Variants in MACROD2 observed in about 807,000 individuals in gnomAD.
The protein encoded by MACROD2 is mono-ADP ribosylhydrolase 2.
In MACROD2, 36 loss-of-function variants were observed where a neutral mutation model predicts 70.4. The observed-to-expected ratio is 0.51, with a 90% confidence interval of 0.39 to 0.68. The LOEUF (loss-of-function observed/expected upper bound fraction) is 0.68. MACROD2 is among the 30% of genes least tolerant of loss of function. The probability of loss-of-function intolerance (pLI) is 0.00; values close to 1 mark genes in which losing one functional copy is unlikely to be tolerated. For synonymous variants in MACROD2, 172 were observed against 178.8 expected, an observed-to-expected ratio of 0.96 and a Z score of 0.30; for missense variants, 496 against 538.4, an observed-to-expected ratio of 0.92 and a Z score of 0.78.
intron 3 of MACROD2, among the ~76,000 whole-genome samples, chr20:14,280,873 T>C (rs890430990): frequency 6.6e-6 from 1 of 152,184 alleles, no homozygotes; most frequent in African/African-American, 2.4e-5. Flanking sequence ...CTAAAAGTTA[T>C]TGTGAATTCT....
intron 3 of MACROD2, among the ~76,000 whole-genome samples, chr20:14,367,553 A>T (rs2083283478): frequency 6.6e-6 from 1 of 152,178 alleles, no homozygotes; most frequent in Admixed American, 6.5e-5. Context: ...CAAACATAGA[A>T]TTCGTGGTTG....
chr20:15,591,760 A>C (rs1434524215), intron 8 of MACROD2, among the ~76,000 whole-genome samples: 1 of 152,110 alleles, frequency 6.6e-6, no homozygotes, highest in Non-Finnish European at 1.5e-5. Context: ...TTGGTGGCTA[A>C]TTATCTGTAT....
intron 2 of MACROD2, among the ~76,000 whole-genome samples, chr20:14,068,135 C>T (rs568613331): frequency 7.4e-4 from 113 of 152,290 alleles, no homozygotes; most frequent in Non-Finnish European, 1.3e-3. Context: ...CTTGAGTGCT[C>T]GCCCTTCCAA....
At chr20:14,479,031 C>T (rs1378279502) in intron 3 of MACROD2, among the ~76,000 whole-genome samples, 6 of 151,990 alleles carry the variant, frequency 3.9e-5, no homozygotes, top group Non-Finnish European at 8.8e-5. Context: ...TGGAGATTCC[C>T]CTCCACACCT....
intron 3 of MACROD2, among the ~76,000 whole-genome samples, chr20:14,091,950 A>G (rs2148673107): frequency 6.6e-6 from 1 of 152,228 alleles, no homozygotes; most frequent in Non-Finnish European, 1.5e-5. Flanking sequence ...TCTGGGATAG[A>G]CATCCAAGAA....
chr20:14,885,784 C>G (rs2073667091), intron 5 of MACROD2, among the ~76,000 whole-genome samples: 1 of 152,164 alleles, frequency 6.6e-6, no homozygotes, highest in African/African-American at 2.4e-5. Context: ...ATCCTCCATT[C>G]CCTTTGCTGG....
Position 14,575,973 on chromosome 20 carries a change from A to G in MACROD2, c.301+82465A>G, listed in dbSNP as rs541359362. Among the ~76,000 whole-genome samples the G allele has an allele frequency of 5.9e-5, 9 of 152,302 alleles. No homozygotes were observed. The South Asian group carries it at 1.7e-3, about 28-fold the overall frequency. On this transcript the variant is annotated intron_variant, in intron 4 of 17. Transcript: ENST00000684519. The stretch of plus-strand genomic sequence containing the variant: ...TGCATTTATATTAAAATACCTGCCT[A>G]TATCATGGGCACCTAAATATATAGT...
chr20:14,741,869 C>T (rs187737558), intron 5 of MACROD2, among the ~76,000 whole-genome samples: 95 of 152,066 alleles, frequency 6.2e-4, no homozygotes, highest in African/African-American at 2.0e-3. Context: ...TGTTTGAAAA[C>T]TTTTTTTAGG....
intron 4 of MACROD2, among the ~76,000 whole-genome samples, chr20:14,519,600 C>T (rs1458220947): frequency 6.6e-6 from 1 of 152,124 alleles, no homozygotes; most frequent in Non-Finnish European, 1.5e-5. Context: ...AAAGAGGATA[C>T]TTACATACTG....
At chr20:15,551,845 GCAGA>G (rs1397904357) in intron 8 of MACROD2, among the ~76,000 whole-genome samples, 3 of 138,152 alleles carry the variant, frequency 2.2e-5, no homozygotes, top group African/African-American at 5.6e-5. Context: ...CTCCAGCCTG[GCAGA>G]CAGAGTGAGA....
intron 2 of MACROD2, among the ~76,000 whole-genome samples, chr20:14,036,091 T>G (rs955132777): frequency 6.7e-6 from 1 of 150,326 alleles, no homozygotes; most frequent in Non-Finnish European, 1.5e-5. Context: ...GCAGTGAGCC[T>G]AGATGGCGCC....
intron 4 of MACROD2, among the ~76,000 whole-genome samples, chr20:14,496,369 A>G (rs1375807027): frequency 6.6e-6 from 1 of 152,230 alleles, no homozygotes; most frequent in African/African-American, 2.4e-5. Flanking sequence ...TATGAGTAGT[A>G]CCTGATAGTG....
In MACROD2 at chr20:15,955,656, A is replaced by C. The variant is rs540932658; in HGVS notation, c.908-11897A>C. ...TATCTAGAACAGCACTGTCCAGTAG[A>C]AATAAATGTGAACCACAAATGAGAA... On this transcript the variant is annotated intron_variant, in intron 12 of 17. Transcript: ENST00000684519. 5.4e-4 allele frequency among the ~76,000 whole-genome samples: 82 copies of C among 152,346 alleles called. No homozygotes were observed. In the South Asian group the frequency reaches 0.017, roughly 31 times the overall value.
At chr20:15,681,982 A>T (rs2050166233) in intron 8 of MACROD2, among the ~76,000 whole-genome samples, 1 of 152,184 alleles carries the variant, frequency 6.6e-6, no homozygotes, top group Admixed American at 6.6e-5. Flanking sequence ...CCCTTCCAAA[A>T]GTCTTGGTAT....
At chr20:14,414,484 C>G (rs571446723) in intron 3 of MACROD2, among the ~76,000 whole-genome samples, 2 of 152,284 alleles carry the variant, frequency 1.3e-5, no homozygotes, top group African/African-American at 4.8e-5. Flanking sequence ...TGGCAGTAAC[C>G]TCCTCATTTG....
chr20:14,345,837 C>T (rs2083058060), intron 3 of MACROD2, among the ~76,000 whole-genome samples: 1 of 151,908 alleles, frequency 6.6e-6, no homozygotes, highest in Non-Finnish European at 1.5e-5. Flanking sequence ...CAAGGTGGCT[C>T]ACACCTGTTA....
intron 3 of MACROD2, among the ~76,000 whole-genome samples, chr20:14,268,760 G>A (rs1439905188): frequency 6.6e-6 from 1 of 152,150 alleles, no homozygotes; most frequent in Non-Finnish European, 1.5e-5. Flanking sequence ...TATAAAAAGT[G>A]ACGTCAACTA....
chr20:15,705,045 T>C (rs2050513246), intron 8 of MACROD2, among the ~76,000 whole-genome samples: 1 of 152,212 alleles, frequency 6.6e-6, no homozygotes, highest in Non-Finnish European at 1.5e-5. Context: ...CGGTCATTTA[T>C]TAATTTCTAT....
Position 14,739,074 on chromosome 20 carries a change from A to C in MACROD2, c.418+54115A>C, listed in dbSNP as rs4814323. On this transcript the variant is annotated intron_variant, in intron 5 of 17. Transcript: ENST00000684519. ...GATGAAGTAAGGTATATCAAGTGAA[A>C]TATATACCATCATATGCTGATGGCT... Among the ~76,000 whole-genome samples the C allele has an allele frequency of 2.0e-5, 3 of 152,048 alleles. No homozygotes were observed. The South Asian group carries it at 6.2e-4, about 32-fold the overall frequency.
Sources: gnomAD v4.1 joint callset for allele counts (sites outside exome capture counted in the v4.1 genomes callset) on GRCh38, gnomAD v4.1.1 for gene constraint, MANE v1.5 for transcripts, NCBI Gene and HGNC (gene_info 2026-07-23, HGNC 2026-07-21) for gene names.